The following TRPM3 variants were observed in gnomAD, a reference collection of about 807,000 sequenced individuals.
TRPM3 encodes transient receptor potential cation channel subfamily M member 3, also known as long transient receptor potential channel 3.
Under a neutral mutation model 181.2 loss-of-function variants are expected in TRPM3, and 77 were observed. The ratio of observed to expected loss-of-function variants is 0.42; its 90% CI spans 0.35 to 0.51. The LOEUF is 0.51. Among genes scored for constraint, TRPM3 ranks in the 20% least tolerant of loss-of-function variants. The probability of loss-of-function intolerance (pLI) is 0.01; values close to 1 mark genes in which losing one functional copy is unlikely to be tolerated. For missense variants in TRPM3, 1,759 were observed against 2,196.7 expected (o/e 0.80, Z 3.98); for synonymous variants, 745 against 796.4 (o/e 0.94, Z 1.09).
chr9:71,408,093 G>T (rs1247798340), intron 1 of TRPM3, among the ~76,000 whole-genome samples: 1 of 152,192 alleles, frequency 6.6e-6, no homozygotes, highest in Non-Finnish European at 1.5e-5. Context: ...AACCCCATCT[G>T]TAGGTTACCA....
chr9:70,969,976 T>C (rs1305891889), intron 1 of TRPM3, among the ~76,000 whole-genome samples: 1 of 151,956 alleles, frequency 6.6e-6, no homozygotes, highest in Admixed American at 6.6e-5. Flanking sequence ...AAAATCAGTA[T>C]CCATGTGGAC....
intron 5 of TRPM3, among the ~76,000 whole-genome samples, chr9:70,840,766 T>C (rs1369768045): frequency 6.6e-6 from 1 of 152,148 alleles, no homozygotes; most frequent in African/African-American, 2.4e-5. Context: ...ATAAAATTTA[T>C]AAGATGAACA....
At chr9:71,098,603 A>C (rs547764095) in intron 1 of TRPM3, among the ~76,000 whole-genome samples, 1 of 152,288 alleles carries the variant, frequency 6.6e-6, no homozygotes, top group Middle Eastern at 3.4e-3. Flanking sequence ...GCCTCGCTAG[A>C]CCTAAGGATA....
intron 1 of TRPM3, among the ~76,000 whole-genome samples, chr9:71,014,009 G>A (rs2097765752): frequency 6.6e-6 from 1 of 151,706 alleles, no homozygotes; most frequent in Non-Finnish European, 1.5e-5. Flanking sequence ...TTTTTGGATT[G>A]GAAATTTTTT....
intron 1 of TRPM3, among the ~76,000 whole-genome samples, chr9:70,873,817 A>G (rs768321724): frequency 2.8e-4 from 43 of 151,944 alleles, no homozygotes; most frequent in Non-Finnish European, 8.8e-5. Flanking sequence ...CTGCAAATCT[A>G]CAGTATTCTA....
intron 1 of TRPM3, among the ~76,000 whole-genome samples, chr9:71,023,774 G>C (rs1280316401): frequency 1.3e-5 from 2 of 151,762 alleles, no homozygotes; most frequent in East Asian, 3.9e-4. Flanking sequence ...CATTTGGAAA[G>C]ACAAAACTTT....
chr9:71,137,882 C>T (rs7030103), intron 1 of TRPM3, among the ~76,000 whole-genome samples: 94,770 of 152,090 alleles, frequency 0.62, 29,989 homozygotes, highest in African/African-American at 0.74. Flanking sequence ...TTCTGGAGGC[C>T]GAGGTGGGCA....
At chr9:71,186,192 A>T (rs1050916674) in intron 1 of TRPM3, among the ~76,000 whole-genome samples, 1 of 152,058 alleles carries the variant, frequency 6.6e-6, no homozygotes, top group Non-Finnish European at 1.5e-5. Context: ...CTGCTCCAGT[A>T]TGGCCTCATC....
chr9:70,864,237 C>T (rs2095589145), intron 2 of TRPM3, among the ~76,000 whole-genome samples, 195 bp downstream of exon 2: 3 of 151,868 alleles, frequency 2.0e-5, no homozygotes. Context: ...TTTATCGGCT[C>T]TTAGAGTAAG....
chr9:70,563,459 C>T (rs1564341397), intron 22 of TRPM3, among the ~76,000 whole-genome samples: 5 of 152,242 alleles, frequency 3.3e-5, no homozygotes, highest in African/African-American at 1.2e-4. Context: ...TTCAGGCTGA[C>T]AAAGTCCTTT....
At chr9:70,890,088 A>T (rs1289810641) in intron 1 of TRPM3, among the ~76,000 whole-genome samples, 1 of 148,544 alleles carries the variant, frequency 6.7e-6, no homozygotes, top group South Asian at 2.1e-4. Context: ...TATACTATAT[A>T]GTATATATAT....
At chr9:70,777,930 T>C (rs1030070440) in intron 7 of TRPM3, among the ~76,000 whole-genome samples, 1 of 152,114 alleles carries the variant, frequency 6.6e-6, no homozygotes, top group Non-Finnish European at 1.5e-5. Flanking sequence ...TATATACTTA[T>C]GTATACGTAA....
chr9:70,962,582 C>T (rs1008212090), intron 1 of TRPM3, among the ~76,000 whole-genome samples: 14 of 152,146 alleles, frequency 9.2e-5, no homozygotes, highest in Non-Finnish European at 1.5e-4. Context: ...TGTTCCAAGA[C>T]TCCCAGTGGA....
At chr9:71,000,917 T>C (rs1483873606) in intron 1 of TRPM3, among the ~76,000 whole-genome samples, 3 of 152,240 alleles carry the variant, frequency 2.0e-5, no homozygotes, top group African/African-American at 7.2e-5. Flanking sequence ...ATTAGTCTGA[T>C]AAGTTTTGTT....
intron 1 of TRPM3, among the ~76,000 whole-genome samples, chr9:70,909,039 G>A (rs2096505635): frequency 2.6e-5 from 4 of 152,192 alleles, no homozygotes; most frequent in Admixed American, 2.6e-4. Flanking sequence ...TTTCTTTGGA[G>A]TAGGCAAAGA....
At chr9:70,827,144 C>G (rs1009648327) in intron 6 of TRPM3, 3 of 152,224 alleles carry the variant, frequency 2.0e-5, no homozygotes, top group African/African-American at 7.2e-5. Flanking sequence ...TGAGTACATA[C>G]TTAAAATTCA....
intron 8 of TRPM3, among the ~76,000 whole-genome samples, chr9:70,690,173 C>A (rs1032317684): frequency 6.6e-6 from 1 of 152,134 alleles, no homozygotes; most frequent in African/African-American, 2.4e-5. Context: ...TATAAAGGAA[C>A]ACTCTACAAT....
At chr9:70,610,857 C>T in intron 18 of TRPM3, 108 bp from the exon 19 acceptor site, 1 of 1,349,550 alleles carries the variant, frequency 7.4e-7, no homozygotes, top group Non-Finnish European at 1.0e-6. Context: ...CCTAAGAACC[C>T]AAGGCCCCAG....
chr9:71,182,295 A>G (rs185619030), intron 1 of TRPM3, among the ~76,000 whole-genome samples: 485 of 152,226 alleles, frequency 3.2e-3, no homozygotes, highest in African/African-American at 0.011. Flanking sequence ...CCACCAGCCC[A>G]CATATCACTA....
Sources: gnomAD v4.1 joint callset for allele counts (sites outside exome capture counted in the v4.1 genomes callset) on GRCh38, gnomAD v4.1.1 for gene constraint, MANE v1.5 for transcripts, NCBI Gene and HGNC (gene_info 2026-07-23, HGNC 2026-07-21) for gene names.